The following ASIC2 variants were observed in gnomAD, a reference collection of about 807,000 sequenced individuals.
The protein encoded by ASIC2 is acid-sensing ion channel 2.
In ASIC2, 25 loss-of-function variants were observed where a neutral mutation model predicts 57.3. That is an observed-to-expected ratio of 0.44 (90% CI 0.32 to 0.61). The LOEUF (loss-of-function observed/expected upper bound fraction) is 0.61, where lower values mean the gene tolerates loss of function less well. Ranked by LOEUF, ASIC2 falls within the 20% of genes least tolerant of loss-of-function variation. ASIC2 has a pLI of 0.06. For synonymous variants in ASIC2, 319 were observed against 307.5 expected, an observed-to-expected ratio of 1.04 and a Z score of -0.39; for missense variants, 641 against 738.1, an observed-to-expected ratio of 0.87 and a Z score of 1.52.
At chr17:33,351,747 A>G (rs1009666573) in intron 1 of ASIC2, among the ~76,000 whole-genome samples, 7 of 152,214 alleles carry the variant, frequency 4.6e-5, no homozygotes, top group African/African-American at 1.4e-4. Context: ...TGGGAAGACC[A>G]GCACCCTGTG....
At chr17:33,643,358 T>G (rs1416575508) in intron 1 of ASIC2, among the ~76,000 whole-genome samples, 1 of 152,250 alleles carries the variant, frequency 6.6e-6, no homozygotes, top group African/African-American at 2.4e-5. Flanking sequence ...TGGTGCTCTA[T>G]GACATTTTCT....
chr17:33,346,417 G>GT (rs1363973691), intron 1 of ASIC2, among the ~76,000 whole-genome samples: 1 of 152,068 alleles, frequency 6.6e-6, no homozygotes, highest in Non-Finnish European at 1.5e-5. Flanking sequence ...TTGTGTCAGC[G>GT]TAACAGTGGT....
chr17:33,724,260 CT>C (rs1387755529), intron 1 of ASIC2, among the ~76,000 whole-genome samples: 1 of 152,152 alleles, frequency 6.6e-6, no homozygotes, highest in Non-Finnish European at 1.5e-5. Flanking sequence ...ACCTCTTTTT[CT>C]TTATGAATCA....
chr17:33,720,266 C>T (rs1234570946), intron 1 of ASIC2, among the ~76,000 whole-genome samples: 1 of 152,170 alleles, frequency 6.6e-6, no homozygotes, highest in Non-Finnish European at 1.5e-5. Flanking sequence ...TAAGTGGGAT[C>T]TCCAGAAGCA....
chr17:33,027,436 AC>A (rs2091863919), intron 4 of ASIC2, among the ~76,000 whole-genome samples: 1 of 152,238 alleles, frequency 6.6e-6, no homozygotes, highest in South Asian at 2.1e-4. Context: ...CATTCCCGGC[AC>A]ATAGTAGGTC....
chr17:33,638,684 A>G (rs1297204534), intron 1 of ASIC2, among the ~76,000 whole-genome samples: 1 of 152,172 alleles, frequency 6.6e-6, no homozygotes, highest in African/African-American at 2.4e-5. Flanking sequence ...AGATGGGTAT[A>G]GCAGCTCCTG....
At chr17:33,017,152 T>C (rs2141891990) in intron 8 of ASIC2, among the ~76,000 whole-genome samples, 1 of 152,260 alleles carries the variant, frequency 6.6e-6, no homozygotes, top group Middle Eastern at 3.4e-3. Context: ...TAAGACTGGC[T>C]GGGCCACAGA....
chr17:33,715,410 G>T (rs1479960444), intron 1 of ASIC2, among the ~76,000 whole-genome samples: 1 of 152,196 alleles, frequency 6.6e-6, no homozygotes, highest in Non-Finnish European at 1.5e-5. Flanking sequence ...ATCACCACTT[G>T]TGTGCCCATG....
chr17:33,245,020 C>T (rs1242878264), intron 1 of ASIC2, among the ~76,000 whole-genome samples: 1 of 152,144 alleles, frequency 6.6e-6, no homozygotes, highest in African/African-American at 2.4e-5. Flanking sequence ...GTGTTTTTAG[C>T]ATTAACATAG....
chr17:33,650,284 A>T (rs542791042), intron 1 of ASIC2, among the ~76,000 whole-genome samples: 2 of 152,354 alleles, frequency 1.3e-5, no homozygotes, highest in East Asian at 3.9e-4. Flanking sequence ...ACAATGAGTG[A>T]TCACTATCCC....
At chr17:33,681,013 C>G (rs999037386) in intron 1 of ASIC2, 4 of 152,214 alleles carry the variant, frequency 2.6e-5, no homozygotes, top group African/African-American at 9.6e-5. Context: ...GGCTGCTCCT[C>G]CCCAGGAACC....
At chr17:33,604,493 A>T (rs1310913441) in intron 1 of ASIC2, among the ~76,000 whole-genome samples, 1 of 152,174 alleles carries the variant, frequency 6.6e-6, no homozygotes, top group East Asian at 1.9e-4. Context: ...ACTCAGGTTA[A>T]TGTGCACAAC....
intron 1 of ASIC2, among the ~76,000 whole-genome samples, chr17:34,114,251 C>A (rs1462716803): frequency 6.6e-6 from 1 of 152,190 alleles, no homozygotes; most frequent in African/African-American, 2.4e-5. Context: ...AGGAAAAGTG[C>A]TTTAAATGGT....
intron 1 of ASIC2, among the ~76,000 whole-genome samples, chr17:34,110,065 A>G (rs1911214884): frequency 6.6e-6 from 1 of 152,150 alleles, no homozygotes; most frequent in Admixed American, 6.5e-5. Flanking sequence ...GTTCTAATAA[A>G]TAGAACATCC....
chr17:33,461,699 T>C (rs914817739), intron 1 of ASIC2, among the ~76,000 whole-genome samples: 10 of 152,172 alleles, frequency 6.6e-5, no homozygotes, highest in African/African-American at 2.2e-4. Context: ...GAGAAGGGTG[T>C]GTTTATGTAT....
intron 1 of ASIC2, among the ~76,000 whole-genome samples, chr17:33,754,956 T>TAAAA (rs1477047616): frequency 4.4e-5 from 1 of 22,898 alleles, no homozygotes; most frequent in Non-Finnish European, 1.0e-4. Flanking sequence ...AGACTCCATC[T>TAAAA]CAAAAAAAAA....
chr17:33,875,654 T>A (rs1461210567), intron 1 of ASIC2, among the ~76,000 whole-genome samples: 1 of 152,192 alleles, frequency 6.6e-6, no homozygotes, highest in Non-Finnish European at 1.5e-5. Context: ...CTTAAATCTT[T>A]TTCCTGACCT....
intron 1 of ASIC2, among the ~76,000 whole-genome samples, chr17:33,933,180 C>T (rs989991620): frequency 2.2e-4 from 34 of 152,204 alleles, no homozygotes; most frequent in Non-Finnish European, 3.4e-4. Context: ...CTGCCTAAAA[C>T]ACTCTCCCCT....
At chr17:33,651,016 T>C (rs1906902169) in intron 1 of ASIC2, among the ~76,000 whole-genome samples, 1 of 152,236 alleles carries the variant, frequency 6.6e-6, no homozygotes, top group Admixed American at 6.5e-5. Flanking sequence ...CTCTGCATTA[T>C]CTCTTATTAT....
Sources: gnomAD v4.1 joint callset for allele counts (sites outside exome capture counted in the v4.1 genomes callset) on GRCh38, gnomAD v4.1.1 for gene constraint, MANE v1.5 for transcripts, NCBI Gene and HGNC (gene_info 2026-07-23, HGNC 2026-07-21) for gene names.